ZNF407: variants seen among roughly 807,000 people sequenced by gnomAD.
ZNF407 encodes the protein zinc finger protein 407.
Under a neutral mutation model 131.2 loss-of-function variants are expected in ZNF407, and 17 were observed. The observed-to-expected ratio is 0.13, with a 90% CI of 0.09 to 0.19. ZNF407 has a LOEUF of 0.19. ZNF407 is among the 10% of genes least tolerant of loss of function. ZNF407 has a pLI of 1.00. For synonymous variants in ZNF407, 1,156 were observed against 1,062.0 expected (o/e 1.09, Z -1.72); for missense variants, 2,681 against 2,830.6 (o/e 0.95, Z 1.20).
At chr18:74,662,730 T>G (rs1207979047) in intron 3 of ZNF407, among the ~76,000 whole-genome samples, 1 of 152,222 alleles carries the variant, frequency 6.6e-6, no homozygotes, top group African/African-American at 2.4e-5. Flanking sequence ...TTCAGATAAT[T>G]GAAAGTGTTT....
chr18:74,665,759 C>T (rs1985907221), intron 3 of ZNF407, among the ~76,000 whole-genome samples: 2 of 152,192 alleles, frequency 1.3e-5, no homozygotes, highest in Non-Finnish European at 2.9e-5. Context: ...CGTTCTACGC[C>T]TTGGAAGCCC....
intron 1 of ZNF407, among the ~76,000 whole-genome samples, chr18:74,614,365 G>A (rs1199738467): frequency 6.6e-6 from 1 of 152,150 alleles, no homozygotes; most frequent in Non-Finnish European, 1.5e-5. Context: ...GCTAAAAGTG[G>A]CATTCAGAAT....
At chr18:74,903,070 TA>T (rs1299147940) in intron 7 of ZNF407, among the ~76,000 whole-genome samples, 1 of 152,298 alleles carries the variant, frequency 6.6e-6, no homozygotes, top group East Asian at 1.9e-4. Flanking sequence ...TGTGGTGACT[TA>T]TGTGACCAGG....
chr18:75,022,858 C>T (rs1314632328), intron 8 of ZNF407, among the ~76,000 whole-genome samples: 1 of 152,144 alleles, frequency 6.6e-6, no homozygotes, highest in East Asian at 1.9e-4. Context: ...ATAAATTGTT[C>T]TATTGTAAAG....
rs1201192876 is a variant in ZNF407, at chr18:74,631,261, C to G, written c.242C>G (p.Ala81Gly). 1 of 1,613,824 alleles carries G rather than the reference C, an allele frequency of 6.2e-7. No individual in the cohort carries two copies. Among genetic ancestry groups the G allele is most frequent in the African/African-American group, 1.3e-5 (1 of 74,900 alleles). Residue 81 changes from alanine (A) to glycine (G), a missense_variant, in exon 2 of 9, where the codon GCA becomes GGA. This residue lies in a region of ZNF407 where 1,789 missense variants were observed against 1,748.7 expected (regional missense o/e 1.02). Coordinates refer to ENST00000299687, the MANE Select transcript of ZNF407 (RefSeq NM_017757.3). ...TCCAAACGCAGGAAATTAGATGAGG[C>G]AGAGCCCCTTAAATCTGGAAAGCAA... is the stretch of plus-strand genomic sequence containing the variant. ...HASKRRKLDEAEPLKSGKQGI... is the reference protein window; with the variant it reads ...HASKRRKLDEGEPLKSGKQGI...
At chr18:74,878,689 A>G (rs1204300238) in intron 5 of ZNF407, among the ~76,000 whole-genome samples, 1 of 152,190 alleles carries the variant, frequency 6.6e-6, no homozygotes, top group African/African-American at 2.4e-5. Context: ...TTTGAATGCA[A>G]AATGGCACAC....
Position 75,064,394 on chromosome 18 carries a change from T to A in ZNF407, c.6673T>A (p.Tyr2225Asn). The A allele has an allele frequency of 6.4e-7, 1 of 1,560,198 alleles. No homozygotes were observed. Among genetic ancestry groups the A allele is most frequent in the Non-Finnish European group, 8.7e-7 (1 of 1,152,764 alleles). ...RAEQLASVVI[Y>N]TQEGSSAAAA... ...AGAGCAGCTGGCCAGCGTGGTCATC[T>A]ACACCCAGGAGGGCTCCTCGGCCGC... Residue 2225 changes from tyrosine (Y) to asparagine (N), a missense_variant, in exon 9 of 9, where the codon TAC (tyrosine) becomes AAC (asparagine). Physicochemically the swap from Tyr to Asn is moderately radical, Grantham distance 143 (BLOSUM62 -2). Coordinates refer to ENST00000299687, the MANE Select transcript of ZNF407 (RefSeq NM_017757.3).
intron 4 of ZNF407, among the ~76,000 whole-genome samples, chr18:74,825,071 A>G (rs1358353503): frequency 1.3e-5 from 2 of 152,188 alleles, no homozygotes; most frequent in Admixed American, 6.5e-5. Context: ...ACAAATCAAT[A>G]AATGTAATCC....
intron 4 of ZNF407, among the ~76,000 whole-genome samples, chr18:74,811,217 C>T (rs1970189722): frequency 6.6e-6 from 1 of 152,148 alleles, no homozygotes; most frequent in Non-Finnish European, 1.5e-5. Flanking sequence ...GGGCGAAGGA[C>T]ATAAGCAGAC....
intron 8 of ZNF407, among the ~76,000 whole-genome samples, chr18:74,990,991 G>A (rs2122136966): frequency 6.6e-6 from 1 of 152,286 alleles, no homozygotes; most frequent in South Asian, 2.1e-4. Context: ...CAACAAAGAT[G>A]GATGAAATCG....
chr18:74,724,547 TTC>T (rs145328414), intron 3 of ZNF407, among the ~76,000 whole-genome samples: 16 of 150,162 alleles, frequency 1.1e-4, no homozygotes, highest in Admixed American at 2.0e-4. Context: ...TTTTTAAGAT[TTC>T]TCTCTCTCTC....
At chr18:74,773,236 AG>A (rs1296668849) in intron 3 of ZNF407, among the ~76,000 whole-genome samples, 1 of 152,232 alleles carries the variant, frequency 6.6e-6, no homozygotes, top group Non-Finnish European at 1.5e-5. Flanking sequence ...AGTATGAAAG[AG>A]GAAGTGATCA....
At chr18:74,942,096 T>C (rs1197042968) in intron 8 of ZNF407, among the ~76,000 whole-genome samples, 1 of 152,188 alleles carries the variant, frequency 6.6e-6, no homozygotes, top group African/African-American at 2.4e-5. Flanking sequence ...GTGTGAAAGT[T>C]CTTTGCAAAC....
At chr18:74,953,329 C>T (rs1249601930) in intron 8 of ZNF407, among the ~76,000 whole-genome samples, 1 of 152,154 alleles carries the variant, frequency 6.6e-6, no homozygotes, top group South Asian at 2.1e-4. Flanking sequence ...TGGATAAAGA[C>T]CATCAGTGCT....
Position 74,634,023 on chromosome 18 carries a change from C to G in ZNF407, c.3004C>G (p.Pro1002Ala). 1 of 1,613,974 alleles carries G rather than the reference C, an allele frequency of 6.2e-7. No individual in the cohort carries two copies. Among genetic ancestry groups the G allele is most frequent in the Non-Finnish European group, 8.5e-7 (1 of 1,179,868 alleles). Reference protein sequence around the residue: ...ISSEPEDFAQPGDVYSQRDVT... With the variant: ...ISSEPEDFAQAGDVYSQRDVT... ...TTCAGAGCCAGAGGACTTCGCCCAG[C>G]CGGGGGATGTGTACTCCCAGAGAGA... The change falls in exon 2 of 9, where the codon CCG (proline) becomes GCG (alanine). Residue 1002 changes from proline (P) to alanine (A), a missense_variant. Pro to Ala is a conservative substitution (Grantham distance 27, BLOSUM62 -1). Around this residue, in one of 6 missense-constraint regions of ZNF407, gnomAD observed 1,789 missense variants for 1,748.7 expected, o/e 1.02. Transcript: ENST00000299687.
intron 8 of ZNF407, among the ~76,000 whole-genome samples, chr18:75,026,683 T>C (rs916545181): frequency 1.3e-5 from 2 of 152,248 alleles, no homozygotes; most frequent in African/African-American, 4.8e-5. Flanking sequence ...ATTCTGCTAC[T>C]GTTGTTTCCA....
intron 4 of ZNF407, among the ~76,000 whole-genome samples, chr18:74,834,782 GA>G (rs765284071): frequency 6.6e-6 from 1 of 152,196 alleles, no homozygotes; most frequent in East Asian, 1.9e-4. Context: ...GAGGAATAGT[GA>G]AAGTGGGTTG....
Position 75,063,988 on chromosome 18 carries a change from T to C in ZNF407, c.6267T>C (p.Cys2089=). Reference sequence around the variant, plus strand: ...AGGGCGTCCTCCAGTTTGCTGTGTGTGACACGGCCGCGGCCGGCCAGTTGG... The same window carrying C: ...AGGGCGTCCTCCAGTTTGCTGTGTGCGACACGGCCGCGGCCGGCCAGTTGG... The part of the protein sequence containing the change: ...MVQGVLQFAV[C]DTAAAGQLVK... The change falls in exon 9 of 9, where the codon TGT becomes TGC. Residue 2089 remains cysteine (C), a synonymous_variant. Transcript: ENST00000299687. The surrounding 1 kb of genome is among the most constrained non-coding windows in gnomAD (Gnocchi z 6.6). 1 of 1,612,824 alleles carries C rather than the reference T, an allele frequency of 6.2e-7. No homozygotes were observed. Among genetic ancestry groups the C allele is most frequent in the South Asian group, 1.1e-5 (1 of 90,814 alleles).
At chr18:74,628,967 G>A (rs1983927926) in intron 1 of ZNF407, among the ~76,000 whole-genome samples, 1 of 152,062 alleles carries the variant, frequency 6.6e-6, no homozygotes, top group Non-Finnish European at 1.5e-5. Context: ...ACAAACATTT[G>A]GGTTGTTTCC....
Sources: allele counts gnomAD v4.1 joint callset (sites outside exome capture counted in the v4.1 genomes callset), GRCh38; gene constraint gnomAD v4.1.1; regional missense constraint gnomAD v4.1.1; non-coding constraint Gnocchi (gnomAD v3.1); transcripts MANE v1.5; gene names NCBI Gene and HGNC (gene_info 2026-07-23, HGNC 2026-07-21).